The following DCLRE1C variants were observed in gnomAD, a reference collection of about 807,000 sequenced individuals.
DCLRE1C encodes the protein protein artemis.
Under a neutral mutation model 61.4 loss-of-function variants are expected in DCLRE1C, and 47 were observed. That is an observed-to-expected ratio of 0.77 (90% CI 0.61 to 0.98). DCLRE1C has a LOEUF of 0.98. DCLRE1C is among the 50% of genes least tolerant of loss of function. The pLI, the probability that DCLRE1C is intolerant of heterozygous loss-of-function variation, is 0.00. For synonymous variants in DCLRE1C, 337 were observed against 287.6 expected (o/e 1.17, Z -1.74); for missense variants, 858 against 816.0 (o/e 1.05, Z -0.63).
At chr10:14,924,678 C>A (rs760755779) in intron 11 of DCLRE1C, among the ~76,000 whole-genome samples, 2 of 151,930 alleles carry the variant, frequency 1.3e-5, no homozygotes, top group Non-Finnish European at 2.9e-5. Flanking sequence ...GAAACCCCGT[C>A]TCTACTAAAA....
At position 14,953,939 on chromosome 10, in the gene DCLRE1C, C is replaced by T. The variant is rs760707626; in HGVS notation, c.72G>A (p.Leu24=). The change falls in exon 1 of 14, where the codon CTG becomes CTA. Residue 24 remains leucine, a synonymous_variant. Coordinates refer to ENST00000378278, the MANE Select transcript of DCLRE1C (RefSeq NM_001033855.3). ...ISIDRFDREN[L]RARAYFLSHC... ...GGGACAGGAAGTAGGCGCGGGCCCT[C>T]AGGTTCTCCCTATCGAAGCGGTCTA... 1.2e-5 allele frequency: 19 copies of T among 1,613,952 alleles called. No homozygotes were observed. In the South Asian group the frequency reaches 2.0e-4, roughly 17 times the overall value.
At chr10:14,952,730 G>A (rs1842633831) in intron 1 of DCLRE1C, among the ~76,000 whole-genome samples, 1 of 152,118 alleles carries the variant, frequency 6.6e-6, no homozygotes, top group South Asian at 2.1e-4. Flanking sequence ...AAAAGAAGAA[G>A]GAGATGCTCA....
rs41296352 is a variant in DCLRE1C at position 14,945,818 on chromosome 10, C to T, written c.162-629G>A. Among the ~76,000 whole-genome samples, 1,128 of 151,242 alleles carry T rather than the reference C, an allele frequency of 7.5e-3. 21 individuals are homozygous for T. Among genetic ancestry groups the T allele is most frequent in the African/African-American group, 0.026 (1,075 of 41,196 alleles). On this transcript the variant is annotated intron_variant, in intron 2 of 13. Transcript: ENST00000378278. ...GGATTACAAGCACGCGCCATGATGC[C>T]GGACTAATTTTTGTATTTTTGTAGA...
chr10:14,923,190 G>A, intron 11 of DCLRE1C, 121 bp from the exon 12 acceptor site: 1 of 765,464 alleles, frequency 1.3e-6, no homozygotes, highest in Non-Finnish European at 2.2e-6. Context: ...TCTCAATGCT[G>A]GCTGCACGTG....
chr10:14,899,954 C>T (rs1833882414), downstream of DCLRE1C, among the ~76,000 whole-genome samples: 3 of 152,142 alleles, frequency 2.0e-5, 1 homozygote, highest in South Asian at 4.1e-4. Context: ...TAACTTTGTA[C>T]GGTAGGTATT....
At chr10:14,922,286 C>T (rs866361384) in intron 12 of DCLRE1C, among the ~76,000 whole-genome samples, 4 of 151,866 alleles carry the variant, frequency 2.6e-5, no homozygotes, top group African/African-American at 9.7e-5. Context: ...ACTAAAAATA[C>T]AAAAATTAGC....
intron 13 of DCLRE1C, among the ~76,000 whole-genome samples, chr10:14,910,280 T>C (rs961210468): frequency 6.6e-6 from 1 of 152,238 alleles, no homozygotes; most frequent in African/African-American, 2.4e-5. Flanking sequence ...AACTTAGGGC[T>C]TAAGGTCACT....
intron 3 of DCLRE1C, among the ~76,000 whole-genome samples, chr10:14,942,987 G>A (rs568777846): frequency 0.011 from 1,637 of 152,286 alleles, 35 homozygotes; most frequent in African/African-American, 0.037. Flanking sequence ...TTAGCCAGGT[G>A]TGGTGGTTCA....
In DCLRE1C at chr10:14,908,620, T is replaced by C. The variant is rs1328876117; in HGVS notation, c.1867A>G (p.Thr623Ala). 8 of 1,613,958 alleles carry C rather than the reference T, an allele frequency of 5.0e-6. No homozygotes were observed. In the Admixed American group the frequency reaches 5.0e-5, roughly 10 times the overall value. The stretch of plus-strand genomic sequence containing the variant: ...GGTATATGTGTCTCACTGCTTAGAG[T>C]AGTTGGTTCTCCAGTACTAGGAACT... ...TIVPSTGEPT[T>A]LSSETHIPEE... Residue 623 changes from threonine to alanine, a missense_variant, in exon 14 of 14, where the codon ACT (threonine) becomes GCT (alanine). Around this residue, in one of 2 missense-constraint regions of DCLRE1C, gnomAD observed 843 missense variants for 783.5 expected, o/e 1.08. Coordinates refer to ENST00000378278, the MANE Select transcript of DCLRE1C (RefSeq NM_001033855.3).
chr10:14,947,348 A>T (rs1464805191), intron 2 of DCLRE1C, among the ~76,000 whole-genome samples: 1 of 151,840 alleles, frequency 6.6e-6, no homozygotes, highest in Non-Finnish European at 1.5e-5. Flanking sequence ...ACATCTGAAG[A>T]CTCTGCTCAC....
At chr10:14,947,754 C>T (rs1409545378) in intron 2 of DCLRE1C, 1 of 152,238 alleles carries the variant, frequency 6.6e-6, no homozygotes, top group African/African-American at 2.4e-5. Context: ...CGACATGTCA[C>T]AGGTGACCAA....
intron 1 of DCLRE1C, among the ~76,000 whole-genome samples, chr10:14,952,606 A>T (rs1640353891): frequency 6.6e-6 from 1 of 151,994 alleles, no homozygotes; most frequent in African/African-American, 2.4e-5. Context: ...AAATACAAAC[A>T]TTAGCTAGGC....
At chr10:14,923,196 A>C (rs1465204265) in intron 11 of DCLRE1C, 127 bp from the exon 12 acceptor site, 2 of 745,924 alleles carry the variant, frequency 2.7e-6, no homozygotes, top group African/African-American at 3.5e-5. Context: ...TGCTGGCTGC[A>C]CGTGGGGATC....
chr10:14,953,048 C>G (rs533041887), intron 1 of DCLRE1C, among the ~76,000 whole-genome samples: 7 of 152,224 alleles, frequency 4.6e-5, no homozygotes, highest in Non-Finnish European at 8.8e-5. Context: ...GCTTCCTGCT[C>G]CAGCACGCTG....
At chr10:14,897,395 A>G in exon 14 of DCLRE1C, 1 of 1,613,486 alleles carries the variant, frequency 6.2e-7, no homozygotes, top group East Asian at 2.2e-5. Flanking sequence ...TCCCAATAGG[A>G]TTGTACAAAA....
At chr10:14,953,017 T>C (rs1019526335) in intron 1 of DCLRE1C, among the ~76,000 whole-genome samples, 2 of 152,230 alleles carry the variant, frequency 1.3e-5, no homozygotes, top group African/African-American at 4.8e-5. Context: ...TTACGCTGAT[T>C]GACTCCACAG....
intron 3 of DCLRE1C, among the ~76,000 whole-genome samples, chr10:14,944,268 G>A (rs1042479925): frequency 4.6e-5 from 7 of 152,152 alleles, no homozygotes; most frequent in African/African-American, 1.7e-4. Context: ...TGGAACCAAG[G>A]TGGGTGGATC....
chr10:14,916,654 A>C (rs985877406), intron 13 of DCLRE1C, among the ~76,000 whole-genome samples: 1 of 152,256 alleles, frequency 6.6e-6, no homozygotes, highest in Non-Finnish European at 1.5e-5. Context: ...AAACTTAAAA[A>C]GTAATACCAT....
Position 14,907,601 on chromosome 10 carries a change from TA to T in DCLRE1C, c.*806del, listed in dbSNP as rs901216513. ...TGGAGCTGTTAGGTGCATATACGTTTAGGATTATTTTGTCTTCTTGGTGAAC... is the reference window on the plus strand; with the variant it reads ...TGGAGCTGTTAGGTGCATATACGTTTGGATTATTTTGTCTTCTTGGTGAAC... On this transcript the variant is annotated 3_prime_UTR_variant, in exon 14 of 14. Transcript: ENST00000378278. Among the ~76,000 whole-genome samples, 2 of 152,160 alleles carry T rather than the reference TA, an allele frequency of 1.3e-5. No homozygotes were observed. Among genetic ancestry groups the T allele is most frequent in the African/African-American group, 4.8e-5 (2 of 41,444 alleles).
Sources: gnomAD v4.1 joint callset for allele counts (sites outside exome capture counted in the v4.1 genomes callset) on GRCh38, gnomAD v4.1.1 for gene constraint, gnomAD v4.1.1 regional missense constraint, MANE v1.5 for transcripts, NCBI Gene and HGNC (gene_info 2026-07-23, HGNC 2026-07-21) for gene names.